The following PPP2R3A variants were observed in gnomAD, a reference collection of about 807,000 sequenced individuals.
The protein encoded by PPP2R3A is serine/threonine-protein phosphatase 2A regulatory subunit B'' subunit alpha.
PPP2R3A carries 80 observed loss-of-function variants against 106.9 expected under a neutral mutation model. The ratio of observed to expected loss-of-function variants is 0.75; its 90% CI spans 0.62 to 0.90. The LOEUF is 0.90. Ranked by LOEUF, PPP2R3A falls within the 40% of genes least tolerant of loss-of-function variation. The pLI is 0.00. For synonymous variants in PPP2R3A, 483 were observed against 468.3 expected, an observed-to-expected ratio of 1.03 and a Z score of -0.41; for missense variants, 1,386 against 1,350.4, an observed-to-expected ratio of 1.03 and a Z score of -0.41.
At chr3:136,071,201 A>G (rs1936419991) in intron 6 of PPP2R3A, among the ~76,000 whole-genome samples, 1 of 152,206 alleles carries the variant, frequency 6.6e-6, no homozygotes, top group Non-Finnish European at 1.5e-5. Context: ...TTCACCAGAC[A>G]CATTCTCAAG....
intron 3 of PPP2R3A, among the ~76,000 whole-genome samples, chr3:136,039,881 C>T (rs1031320280): frequency 2.6e-5 from 4 of 151,982 alleles, no homozygotes; most frequent in African/African-American, 4.8e-5. Flanking sequence ...AGCTTTTTAT[C>T]GAGAAAAATC....
At chr3:136,100,607 A>G (rs1318315928) in intron 10 of PPP2R3A, among the ~76,000 whole-genome samples, 1 of 152,060 alleles carries the variant, frequency 6.6e-6, no homozygotes, top group Non-Finnish European at 1.5e-5. Context: ...TGAACCCGGG[A>G]GGCAGAGGTT....
At chr3:135,978,807 C>G (rs1937492021) in intron 1 of PPP2R3A, among the ~76,000 whole-genome samples, 1 of 151,732 alleles carries the variant, frequency 6.6e-6, no homozygotes, top group African/African-American at 2.4e-5. Flanking sequence ...AATTTTTAAT[C>G]TACATTTCAA....
rs1933708670 is a variant in PPP2R3A at position 136,003,167 on chromosome 3, A to T, written c.1669A>T (p.Lys557Ter). Residue 557 changes from lysine (K) to a stop codon, truncating the protein, a stop_gained, in exon 2 of 14, where the codon AAA (lysine) becomes TAA (stop). Coordinates refer to ENST00000264977, the MANE Select transcript of PPP2R3A (RefSeq NM_002718.5). LOFTEE classifies it high-confidence loss of function. ...TCAGACCCTTGTAGATCTTGAGCCTAAATCTAAAGTCTCTTCACCCATAGA... is the reference window on the plus strand; with the variant it reads ...TCAGACCCTTGTAGATCTTGAGCCTTAATCTAAAGTCTCTTCACCCATAGA... Reference protein sequence around the residue: ...TGQTLVDLEPKSKVSSPIEKV... With the variant: ...TGQTLVDLEP The T allele has an allele frequency of 6.2e-7, 1 of 1,613,486 alleles. No homozygotes were observed. The highest frequency in any genetic ancestry group is 1.3e-5 in the African/African-American group (1 of 74,822).
intron 1 of PPP2R3A, among the ~76,000 whole-genome samples, chr3:135,972,651 T>C (rs1937283212): frequency 6.6e-6 from 1 of 152,228 alleles, no homozygotes; most frequent in Non-Finnish European, 1.5e-5. Context: ...ATAGCCATCC[T>C]AGTGGGTGTG....
At chr3:136,140,235 A>G (rs1016236045) in intron 13 of PPP2R3A, among the ~76,000 whole-genome samples, 1 of 152,006 alleles carries the variant, frequency 6.6e-6, no homozygotes, top group African/African-American at 2.4e-5. Flanking sequence ...TTTGTTCTCC[A>G]CGTTCTCAAG....
At chr3:136,054,640 A>G (rs886971543) in intron 5 of PPP2R3A, among the ~76,000 whole-genome samples, 5 of 152,206 alleles carry the variant, frequency 3.3e-5, no homozygotes, top group African/African-American at 7.2e-5. Flanking sequence ...AATATTTAGT[A>G]TATGTGAAAA....
intron 13 of PPP2R3A, among the ~76,000 whole-genome samples, chr3:136,129,585 G>A (rs1938322256): frequency 6.6e-6 from 1 of 152,048 alleles, no homozygotes. Flanking sequence ...TTCTACCAGA[G>A]GTACAAAGAG....
At chr3:136,096,362 T>C (rs1305399793) in intron 10 of PPP2R3A, among the ~76,000 whole-genome samples, 1 of 152,194 alleles carries the variant, frequency 6.6e-6, no homozygotes, top group Non-Finnish European at 1.5e-5. Context: ...TTCACTAAGG[T>C]GTGATTAATC....
chr3:136,032,530 A>ATT (rs745329334), intron 3 of PPP2R3A, among the ~76,000 whole-genome samples: 1 of 143,888 alleles, frequency 6.9e-6, no homozygotes, highest in Non-Finnish European at 1.5e-5. Flanking sequence ...TTATTTATTT[A>ATT]TTTTTTTTTT....
chr3:136,078,395 A>G lies in PPP2R3A; in HGVS notation c.2573A>G (p.Asn858Ser), dbSNP rs143432940. ...TVIQRIFYTV[N>S]RSWSGKITST... ...ATTCAGAGAATATTCTACACAGTCA[A>G]CAGATCTTGGAGTGGAAAAATTACT... Residue 858 changes from asparagine to serine, a missense_variant, in exon 7 of 14, where the codon AAC (asparagine) becomes AGC (serine). Asn to Ser is a conservative substitution (Grantham distance 46). Coordinates refer to ENST00000264977, the MANE Select transcript of PPP2R3A (RefSeq NM_002718.5). 4 of 1,610,364 alleles carry G rather than the reference A, an allele frequency of 2.5e-6. No individual in the cohort carries two copies. The highest frequency in any genetic ancestry group is 4.5e-5 in the East Asian group (2 of 44,798).
chr3:136,017,475 T>C (rs1429782118), intron 2 of PPP2R3A, among the ~76,000 whole-genome samples: 1 of 152,230 alleles, frequency 6.6e-6, no homozygotes, highest in Non-Finnish European at 1.5e-5. Context: ...TCTGGACATT[T>C]GGGTTGTTTC....
In PPP2R3A at chr3:136,002,769, A is replaced by G. The variant is rs775256562; in HGVS notation, c.1271A>G (p.Lys424Arg). The G allele has an allele frequency of 8.7e-6, 14 of 1,613,048 alleles. No homozygotes were observed. The East Asian group carries it at 2.7e-4, about 31-fold the overall frequency. The stretch of plus-strand genomic sequence containing the variant: ...TATATTGAAGAAGAGTCAGATGGAA[A>G]GAAAGCATTAGATAAAGGACAAAAG... ...TLYIEEESDGKKALDKGQKTE... is the reference protein window; with the variant it reads ...TLYIEEESDGRKALDKGQKTE... The change falls in exon 2 of 14, where the codon AAG becomes AGG. Residue 424 changes from lysine (K) to arginine (R), a missense_variant. By Grantham distance (26) the Lys-to-Arg change is conservative (BLOSUM62 2). Coordinates refer to ENST00000264977, the MANE Select transcript of PPP2R3A (RefSeq NM_002718.5).
rs199979197 is a variant in PPP2R3A, at chr3:136,111,435, CA to C, written c.3329+5116del. Among the ~76,000 whole-genome samples, 1,140 of 152,232 alleles carry C rather than the reference CA, an allele frequency of 7.5e-3. 18 individuals are homozygous for C. Among genetic ancestry groups the C allele is most frequent in the African/African-American group, 0.026 (1,076 of 41,532 alleles). On this transcript the variant is annotated intron_variant, in intron 13 of 13. Transcript: ENST00000264977. ...AACTGAAAAAAATTGAGTAAAAACT[CA>C]AACTACTTGAAAGTACATTAATCAG...
intron 1 of PPP2R3A, among the ~76,000 whole-genome samples, chr3:135,999,079 C>T (rs183119078): frequency 2.0e-5 from 3 of 152,178 alleles, no homozygotes; most frequent in East Asian, 1.9e-4. Context: ...TTGAGCACTC[C>T]GAAGACATCA....
intron 13 of PPP2R3A, among the ~76,000 whole-genome samples, chr3:136,122,637 C>A (rs1359697954): frequency 1.3e-5 from 2 of 152,042 alleles, no homozygotes; most frequent in African/African-American, 2.4e-5. Context: ...TAAACAACAA[C>A]AAAAAAATCT....
chr3:136,068,355 TAAAAA>T (rs545431607), intron 5 of PPP2R3A, among the ~76,000 whole-genome samples: 153 of 151,662 alleles, frequency 1.0e-3, no homozygotes, highest in African/African-American at 3.5e-3. Flanking sequence ...TCTGCGCTGT[TAAAAA>T]AAAGTAAATA....
chr3:136,086,107 A>T (rs1282698415), intron 8 of PPP2R3A, among the ~76,000 whole-genome samples: 1 of 151,348 alleles, frequency 6.6e-6, no homozygotes, highest in African/African-American at 2.4e-5. Flanking sequence ...CTCCAGCCTG[A>T]GCGACAGGGA....
intron 5 of PPP2R3A, among the ~76,000 whole-genome samples, chr3:136,059,290 G>GA (rs528951338): frequency 0.011 from 1,672 of 148,760 alleles, 25 homozygotes; most frequent in African/African-American, 0.034. Flanking sequence ...TAATTTACAA[G>GA]AAAAAAAAAC....
Sources: allele counts gnomAD v4.1 joint callset (sites outside exome capture counted in the v4.1 genomes callset), GRCh38; gene constraint gnomAD v4.1.1; transcripts MANE v1.5; gene names NCBI Gene and HGNC (gene_info 2026-07-23, HGNC 2026-07-21).